Variants in PRRC2C observed in about 807,000 individuals in gnomAD.
PRRC2C encodes protein PRRC2C.
A neutral mutation model predicts 317.2 loss-of-function variants in PRRC2C; 72 were observed. That is an observed-to-expected ratio of 0.23 (90% confidence interval 0.19 to 0.28). The LOEUF is 0.28. PRRC2C is among the 10% of genes least tolerant of loss of function. PRRC2C has a pLI of 1.00. For missense variants in PRRC2C, 3,074 were observed against 3,459.7 expected (o/e 0.89, Z 2.80); for synonymous variants, 1,296 against 1,205.9 (o/e 1.07, Z -1.55).
At chr1:171,552,574 A>G (rs929453859) in intron 18 of PRRC2C, among the ~76,000 whole-genome samples, 2 of 152,186 alleles carry the variant, frequency 1.3e-5, no homozygotes, top group Admixed American at 6.5e-5. Context: ...GTTTTTGCCC[A>G]TTCAGTGTGA....
At chr1:171,558,556 T>G (rs1316769432) in intron 19 of PRRC2C, among the ~76,000 whole-genome samples, 2 of 152,240 alleles carry the variant, frequency 1.3e-5, no homozygotes, top group Non-Finnish European at 2.9e-5. Context: ...GTCAAATTTT[T>G]CATCATTTAT....
chr1:171,494,288 T>C (rs1396011911), intron 1 of PRRC2C, among the ~76,000 whole-genome samples: 2 of 152,194 alleles, frequency 1.3e-5, no homozygotes, highest in Non-Finnish European at 2.9e-5. Context: ...TGTTTCAGTT[T>C]CCAGGAACAG....
intron 26 of PRRC2C, 140 bp from the exon 27 acceptor site, chr1:171,579,214 G>A (rs1268306369): frequency 3.4e-6 from 4 of 1,182,660 alleles, no homozygotes; most frequent in South Asian, 1.9e-5. Flanking sequence ...ATCTTGTCAC[G>A]TTTTTAGTTT....
intron 1 of PRRC2C, among the ~76,000 whole-genome samples, chr1:171,486,326 C>T (rs1404723721): frequency 6.6e-6 from 1 of 151,902 alleles, no homozygotes; most frequent in Non-Finnish European, 1.5e-5. Flanking sequence ...CTGCCCAACT[C>T]CGGAGGAGGA....
At chr1:171,514,258 GTGTA>G (rs949968392) in intron 3 of PRRC2C, among the ~76,000 whole-genome samples, 64 of 116,200 alleles carry the variant, frequency 5.5e-4, no homozygotes, top group African/African-American at 1.8e-3. Flanking sequence ...AAAAGTGTGT[GTGTA>G]TGTGTGTGTG....
rs1366637992 is a variant in PRRC2C, at chr1:171,485,546, T to TTCTC, written c.-246_-243dup. ...TGGCTAGCCGCCATCTTGCTTCTTTTTCTCGCTCGCTCGCTCCCCCTCGGA... is the reference window on the plus strand; with the variant it reads ...TGGCTAGCCGCCATCTTGCTTCTTTTTCTCTCTCGCTCGCTCGCTCCCCCTCGGA... On this transcript the variant is annotated 5_prime_UTR_variant, in exon 1 of 35. Transcript: ENST00000647382. 3 of 152,698 alleles carry TTCTC rather than the reference T, an allele frequency of 2.0e-5. No homozygotes were observed. The highest frequency in any genetic ancestry group is 1.3e-4 in the Admixed American group (2 of 15,284). The allele number at this position is 152,698 out of a possible 1,614,324, so 9.5% of individuals were successfully genotyped here. A position where few individuals can be genotyped will look rare whatever the true frequency, so the allele number is the denominator to read the frequency against.
In PRRC2C at chr1:171,579,403, A is replaced by G. The variant is rs1647987232; in HGVS notation, c.7209A>G (p.Gln2403=). 2.5e-6 allele frequency: 4 copies of G among 1,613,818 alleles called. No homozygotes were observed. Among genetic ancestry groups the G allele is most frequent in the Non-Finnish European group, 2.5e-6 (3 of 1,179,870 alleles). Reference sequence around the variant, plus strand: ...ACACAAGTCATTTATTCAATACCCAACATGCACGATTGGCTCCGCCATCCT... The same window carrying G: ...ACACAAGTCATTTATTCAATACCCAGCATGCACGATTGGCTCCGCCATCCT... The part of the protein sequence containing the change: ...YMDTSHLFNT[Q]HARLAPPSLA... The change falls in exon 27 of 35, where the codon CAA becomes CAG. Residue 2403 remains glutamine (Q), a synonymous_variant. Coordinates refer to ENST00000647382, the MANE Select transcript of PRRC2C (RefSeq NM_001387844.1).
Position 171,540,920 on chromosome 1 carries a change from A to C in PRRC2C, c.3454A>C (p.Arg1152=). 1 of 1,613,882 alleles carries C rather than the reference A, an allele frequency of 6.2e-7. No individual in the cohort carries two copies. The highest frequency in any genetic ancestry group is 8.5e-7 in the Non-Finnish European group (1 of 1,179,828). ...CATCAGCAAAGACCTTGTTATAGAG[A>C]GGCCTCGACCAGATTCAAGACCAGC... ...KVISKDLVIE[R]PRPDSRPAVK... Residue 1152 remains arginine, a synonymous_variant, in exon 16 of 35, where the codon AGG becomes CGG. Transcript: ENST00000647382.
At position 171,529,818 on chromosome 1, in the gene PRRC2C, C is replaced by T. The variant is rs148805995; in HGVS notation, c.1254+1974C>T. Among the ~76,000 whole-genome samples, 16 of 151,164 alleles carry T rather than the reference C, an allele frequency of 1.1e-4. 1 individual carries two copies. The highest frequency in any genetic ancestry group is 2.2e-4 in the Non-Finnish European group (15 of 68,016). Reference sequence around the variant, plus strand: ...TTTCATCTGCTGTTCTTACCACATACACATTGCTCTTCTTGACTTTTTTAC... The same window carrying T: ...TTTCATCTGCTGTTCTTACCACATATACATTGCTCTTCTTGACTTTTTTAC... On this transcript the variant is annotated intron_variant, in intron 11 of 34. Transcript: ENST00000647382.
rs1214961110 is a variant in PRRC2C, at chr1:171,485,689, T to C, written c.-104T>C. 6.6e-6 allele frequency: 1 copy of C among 152,386 alleles called. No individual in the cohort carries two copies. The highest frequency in any genetic ancestry group is 1.9e-4 in the East Asian group (1 of 5,184). The allele number at this position is 152,386 out of a possible 1,614,324, so 9.4% of individuals were successfully genotyped here. ...CCCTCCCCCTTCTTTCGATCAGAGATCGGCGGAGACCCTCGAAGTGCGCAA... is the reference window on the plus strand; with the variant it reads ...CCCTCCCCCTTCTTTCGATCAGAGACCGGCGGAGACCCTCGAAGTGCGCAA... On this transcript the variant is annotated 5_prime_UTR_variant, in exon 1 of 35. Coordinates refer to ENST00000647382, the MANE Select transcript of PRRC2C (RefSeq NM_001387844.1).
chr1:171,565,848 A>T (rs968894304), intron 20 of PRRC2C, among the ~76,000 whole-genome samples: 1 of 152,184 alleles, frequency 6.6e-6, no homozygotes, highest in Admixed American at 6.5e-5. Flanking sequence ...TTCAAAGCAG[A>T]CTTCTGAGAA....
At chr1:171,548,149 TAG>T (rs1328348575) in intron 17 of PRRC2C, among the ~76,000 whole-genome samples, 1 of 151,418 alleles carries the variant, frequency 6.6e-6, no homozygotes, top group East Asian at 2.0e-4. Flanking sequence ...GTATTTTTAG[TAG>T]AGAGAGGGTT....
At chr1:171,590,423 T>C (rs561686097) in intron 34 of PRRC2C, among the ~76,000 whole-genome samples, 6 of 152,322 alleles carry the variant, frequency 3.9e-5, no homozygotes, top group African/African-American at 1.2e-4. Flanking sequence ...CTTTCAGGGA[T>C]CTTAGTAATT....
chr1:171,545,467 A>AT lies in PRRC2C; in HGVS notation c.4764-5dup, dbSNP rs1280244548. On this transcript the variant is annotated splice_polypyrimidine_tract_variant and intron_variant, in intron 16 of 34. Coordinates refer to ENST00000647382, the MANE Select transcript of PRRC2C (RefSeq NM_001387844.1). ...GGTGGAAATAGTAATATCTCAAGTTATTTTTTTGTAGGCCATTTGATGACC... is the reference window on the plus strand; with the variant it reads ...GGTGGAAATAGTAATATCTCAAGTTATTTTTTTTGTAGGCCATTTGATGACC... 5 of 1,548,576 alleles carry AT rather than the reference A, an allele frequency of 3.2e-6. No individual in the cohort carries two copies. Among genetic ancestry groups the AT allele is most frequent in the Non-Finnish European group, 3.5e-6 (4 of 1,145,724 alleles).
intron 18 of PRRC2C, among the ~76,000 whole-genome samples, chr1:171,550,548 A>G (rs970503537): frequency 1.7e-4 from 25 of 149,982 alleles, no homozygotes; most frequent in Admixed American, 1.4e-3. Context: ...TACATGTGCT[A>G]TGTTGGTGTG....
chr1:171,589,730 A>G, intron 34 of PRRC2C, 125 bp downstream of exon 34: 2 of 489,728 alleles, frequency 4.1e-6, no homozygotes, highest in Admixed American at 8.9e-5. Flanking sequence ...CAAGCTAACT[A>G]CTTTTATTCA....
rs545772149 is a variant in PRRC2C at position 171,558,119 on chromosome 1, G to A, written c.6007G>A (p.Val2003Met). ...LWDNKVAPPA[V>M]LNDISKKLGP... is the part of the protein sequence containing the mutation. ...GGATAACAAGGTGGCCCCACCAGCT[G>A]TGCTGAATGATATCTCTAAGAAATG... The change falls in exon 19 of 35, where the codon GTG (valine) becomes ATG (methionine). Residue 2003 changes from valine (V) to methionine (M), a missense_variant. Val to Met is a conservative substitution (Grantham distance 21). Around this residue, in one of 11 missense-constraint regions of PRRC2C, gnomAD observed 640 missense variants for 676.1 expected, o/e 0.95. Coordinates refer to ENST00000647382, the MANE Select transcript of PRRC2C (RefSeq NM_001387844.1). 6.2e-7 allele frequency: 1 copy of A among 1,612,758 alleles called. No individual in the cohort carries two copies. Among genetic ancestry groups the A allele is most frequent in the South Asian group, 1.1e-5 (1 of 91,024 alleles).
chr1:171,486,120 T>C (rs1666024731), intron 1 of PRRC2C, among the ~76,000 whole-genome samples: 1 of 150,008 alleles, frequency 6.7e-6, no homozygotes, highest in Non-Finnish European at 1.5e-5. Context: ...TTTTTTTTTT[T>C]TTTTTTTTTA....
intron 11 of PRRC2C, among the ~76,000 whole-genome samples, chr1:171,532,142 G>A (rs1016330339): frequency 5.3e-5 from 8 of 152,260 alleles, no homozygotes; most frequent in African/African-American, 1.2e-4. Context: ...ACATTGGACC[G>A]CTGGATTAAT....
Sources: gnomAD v4.1 joint callset for allele counts (sites outside exome capture counted in the v4.1 genomes callset) on GRCh38, gnomAD v4.1.1 for gene constraint, gnomAD v4.1.1 regional missense constraint, MANE v1.5 for transcripts, NCBI Gene and HGNC (gene_info 2026-07-23, HGNC 2026-07-21) for gene names.